Variants in TNS3 observed in about 807,000 individuals in gnomAD.
TNS3 encodes tensin-3.
TNS3 carries 45 observed loss-of-function variants against 140.9 expected under a neutral mutation model. That is an observed-to-expected ratio of 0.32 (90% CI 0.25 to 0.41). The LOEUF is 0.41. Among genes scored for constraint, TNS3 ranks in the 10% least tolerant of loss-of-function variants. The pLI is 1.00. For missense variants in TNS3, 1,716 were observed against 1,906.7 expected (o/e 0.90, Z 1.86); for synonymous variants, 815 against 788.4 (o/e 1.03, Z -0.56).
chr7:47,373,703 G>C (rs973457938), intron 16 of TNS3, among the ~76,000 whole-genome samples: 1 of 152,234 alleles, frequency 6.6e-6, no homozygotes, highest in Non-Finnish European at 1.5e-5. Flanking sequence ...ACTGAGGGCA[G>C]GGAGTTTGCT....
chr7:47,340,108 TATA>T (rs1788892216), intron 20 of TNS3, among the ~76,000 whole-genome samples: 8 of 43,394 alleles, frequency 1.8e-4, no homozygotes, highest in African/African-American at 7.0e-4. Flanking sequence ...TATATATATA[TATA>T]TATATTTTTT....
intron 1 of TNS3, among the ~76,000 whole-genome samples, chr7:47,557,311 C>T (rs1308406220): frequency 2.0e-5 from 3 of 152,290 alleles, no homozygotes; most frequent in South Asian, 2.1e-4. Context: ...AACCAGCAGC[C>T]GCCAAGGCTA....
chr7:47,537,453 A>T (rs1443559426), intron 1 of TNS3, among the ~76,000 whole-genome samples: 1 of 151,624 alleles, frequency 6.6e-6, no homozygotes, highest in African/African-American at 2.4e-5. Context: ...GCGGAGGCAC[A>T]GGCTGAGCCG....
At chr7:47,532,070 C>T (rs968328056) in intron 1 of TNS3, among the ~76,000 whole-genome samples, 15 of 152,186 alleles carry the variant, frequency 9.9e-5, no homozygotes, top group African/African-American at 3.1e-4. Context: ...GAAGCCCCCC[C>T]CCGCCCACCA....
intron 4 of TNS3, among the ~76,000 whole-genome samples, chr7:47,464,674 C>T (rs1301266302): frequency 6.6e-6 from 1 of 152,180 alleles, no homozygotes; most frequent in Non-Finnish European, 1.5e-5. Flanking sequence ...TATGCTGATG[C>T]TGCTGGTCTT....
chr7:47,437,870 C>T (rs1261655568), intron 6 of TNS3, among the ~76,000 whole-genome samples: 2 of 149,954 alleles, frequency 1.3e-5, no homozygotes, highest in Admixed American at 6.7e-5. Flanking sequence ...CAAACTGACC[C>T]GATAGAGAGG....
chr7:47,516,300 C>T (rs187021556), intron 2 of TNS3, among the ~76,000 whole-genome samples: 2 of 152,294 alleles, frequency 1.3e-5, no homozygotes, highest in East Asian at 3.9e-4. Context: ...TGTCCAGGGC[C>T]ACAGCTTCCT....
chr7:47,405,535 T>A (rs964796993), intron 13 of TNS3: 4 of 702,906 alleles, frequency 5.7e-6, no homozygotes, highest in Non-Finnish European at 1.0e-5. Context: ...TGACTTCAGA[T>A]GTTCGCAATA....
intron 17 of TNS3, among the ~76,000 whole-genome samples, chr7:47,360,992 C>T (rs1790282638): frequency 6.6e-6 from 1 of 152,028 alleles, no homozygotes; most frequent in South Asian, 2.1e-4. Context: ...CTTCCAATGT[C>T]CAGCTGCTAC....
chr7:47,563,411 G>A (rs1213764912), intron 1 of TNS3, among the ~76,000 whole-genome samples: 1 of 152,200 alleles, frequency 6.6e-6, no homozygotes, highest in East Asian at 1.9e-4. Context: ...TGGTAGAAAA[G>A]CTTCAGGACC....
At chr7:47,305,048 T>G in intron 20 of TNS3, 45 bp from the exon 21 acceptor site, 1 of 1,309,932 alleles carries the variant, frequency 7.6e-7, no homozygotes, top group Non-Finnish European at 9.8e-7. Flanking sequence ...GTTGTAGGAC[T>G]GGAGAAGTCA....
intron 27 of TNS3, among the ~76,000 whole-genome samples, chr7:47,286,653 T>C (rs1785435551): frequency 6.6e-6 from 1 of 152,170 alleles, no homozygotes. Context: ...GAGGCCCACA[T>C]GTGGGAATTT....
At chr7:47,294,276 G>T (rs1014267285) in intron 24 of TNS3, among the ~76,000 whole-genome samples, 1 of 152,196 alleles carries the variant, frequency 6.6e-6, no homozygotes, top group Non-Finnish European at 1.5e-5. Flanking sequence ...AGTCTTCTGG[G>T]TGGGATTTAA....
chr7:47,515,815 C>G (rs1798761241), intron 2 of TNS3, among the ~76,000 whole-genome samples: 1 of 152,230 alleles, frequency 6.6e-6, no homozygotes, highest in Admixed American at 6.5e-5. Flanking sequence ...TCATTATCAC[C>G]ATCGTCATTA....
At chr7:47,414,483 TG>T (rs1446787613) in intron 11 of TNS3, among the ~76,000 whole-genome samples, 1 of 152,104 alleles carries the variant, frequency 6.6e-6, no homozygotes, top group Non-Finnish European at 1.5e-5. Flanking sequence ...TGCTCCTGCA[TG>T]GGACAAGGGA....
intron 22 of TNS3, 129 bp downstream of exon 22, chr7:47,302,821 G>A (rs1012522444): frequency 2.3e-6 from 3 of 1,291,202 alleles, no homozygotes; most frequent in African/African-American, 3.0e-5. Context: ...TACCCCAACG[G>A]CTCTGGATTT....
At chr7:47,331,730 G>A (rs1210906100) in intron 20 of TNS3, among the ~76,000 whole-genome samples, 1 of 152,230 alleles carries the variant, frequency 6.6e-6, no homozygotes. Flanking sequence ...TGGCCTGTAA[G>A]AAGTGCTCAG....
At chr7:47,324,059 C>A (rs781526863) in intron 20 of TNS3, among the ~76,000 whole-genome samples, 2 of 152,192 alleles carry the variant, frequency 1.3e-5, no homozygotes, top group Non-Finnish European at 2.9e-5. Context: ...TTCTACCTGG[C>A]AAACCTCAGC....
intron 4 of TNS3, among the ~76,000 whole-genome samples, chr7:47,470,045 C>T (rs1406237747): frequency 6.3e-5 from 9 of 143,950 alleles, no homozygotes; most frequent in South Asian, 2.2e-4. Context: ...TAAACAAGAA[C>T]GAAATCATGT....
Sources: allele counts gnomAD v4.1 joint callset (sites outside exome capture counted in the v4.1 genomes callset), GRCh38; gene constraint gnomAD v4.1.1; transcripts MANE v1.5; gene names NCBI Gene and HGNC (gene_info 2026-07-23, HGNC 2026-07-21).